Variants in SCFD2 observed in about 807,000 individuals in gnomAD.
The protein encoded by SCFD2 is sec1 family domain containing 2, also known as sec1 family domain-containing protein 2.
A neutral mutation model predicts 58.9 loss-of-function variants in SCFD2; 54 were observed. The ratio of observed to expected loss-of-function variants is 0.92; its 90% CI spans 0.74 to 1.15. SCFD2 has a LOEUF of 1.15. Among genes scored for constraint, SCFD2 ranks in the 50% most tolerant of loss-of-function variants. The probability of loss-of-function intolerance (pLI) is 0.00; values close to 1 mark genes in which losing one functional copy is unlikely to be tolerated. For missense variants in SCFD2, 805 were observed against 836.6 expected, an observed-to-expected ratio of 0.96 and a Z score of 0.47; for synonymous variants, 321 against 335.9, an observed-to-expected ratio of 0.96 and a Z score of 0.49.
intron 7 of SCFD2, among the ~76,000 whole-genome samples, chr4:52,900,725 C>G (rs1719168079): frequency 6.6e-6 from 1 of 152,206 alleles, no homozygotes; most frequent in African/African-American, 2.4e-5. Flanking sequence ...TTTGTCTGTG[C>G]CCTGCCCCCA....
intron 2 of SCFD2, among the ~76,000 whole-genome samples, chr4:53,315,159 A>G (rs745903750): frequency 6.6e-6 from 1 of 151,856 alleles, no homozygotes; most frequent in Non-Finnish European, 1.5e-5. Flanking sequence ...AATGATTTCT[A>G]CTGGAAATGA....
intron 2 of SCFD2, among the ~76,000 whole-genome samples, chr4:53,351,622 T>C (rs1008100894): frequency 6.6e-6 from 1 of 152,228 alleles, no homozygotes; most frequent in African/African-American, 2.4e-5. Flanking sequence ...TAAATGTGTT[T>C]CCAATCACAT....
chr4:53,209,639 A>C (rs1444469866), intron 4 of SCFD2, among the ~76,000 whole-genome samples: 1 of 152,096 alleles, frequency 6.6e-6, no homozygotes, highest in Non-Finnish European at 1.5e-5. Context: ...ATTGCTAGAC[A>C]CTGTGTTAAG....
chr4:53,222,249 GA>G (rs779262243), intron 4 of SCFD2, among the ~76,000 whole-genome samples: 1 of 152,186 alleles, frequency 6.6e-6, no homozygotes, highest in Non-Finnish European at 1.5e-5. Context: ...GACTTAAGAA[GA>G]GAATAAAAAT....
At chr4:53,161,937 G>GT (rs1388391376) in intron 4 of SCFD2, among the ~76,000 whole-genome samples, 1 of 152,112 alleles carries the variant, frequency 6.6e-6, no homozygotes, top group Non-Finnish European at 1.5e-5. Context: ...GGTTAGGCCT[G>GT]TTTGTCTATC....
chr4:52,904,747 C>T (rs147942371), intron 7 of SCFD2, among the ~76,000 whole-genome samples: 10 of 152,302 alleles, frequency 6.6e-5, no homozygotes, highest in African/African-American at 1.9e-4. Context: ...CAAGAAAATG[C>T]CTGGCAGCCT....
chr4:53,293,520 A>T (rs1293865765), intron 3 of SCFD2, among the ~76,000 whole-genome samples: 1 of 152,218 alleles, frequency 6.6e-6, no homozygotes, highest in African/African-American at 2.4e-5. Context: ...TAACAGAAAG[A>T]TAAAAACCTC....
chr4:53,082,894 C>T (rs1182930563), intron 5 of SCFD2, among the ~76,000 whole-genome samples: 1 of 152,066 alleles, frequency 6.6e-6, no homozygotes, highest in Non-Finnish European at 1.5e-5. Context: ...TTTCATGGGC[C>T]TCCAGTTTAA....
intron 4 of SCFD2, among the ~76,000 whole-genome samples, chr4:53,222,355 GAAGCTTGAAGCTTTGATAGA>G (rs1392478870): frequency 6.6e-6 from 1 of 152,210 alleles, no homozygotes; most frequent in Non-Finnish European, 1.5e-5. Context: ...CATTCTTCCT[GAAGCTTGAAGCTTTGATAGA>G]AGTAATTATT....
intron 5 of SCFD2, among the ~76,000 whole-genome samples, chr4:52,932,501 T>C (rs548326336): frequency 7.3e-4 from 111 of 152,346 alleles, no homozygotes; most frequent in African/African-American, 2.5e-3. Context: ...TCACTGACCG[T>C]ATTATAGGAT....
chr4:53,098,749 C>A (rs1189216127), intron 5 of SCFD2, among the ~76,000 whole-genome samples: 1 of 152,058 alleles, frequency 6.6e-6, no homozygotes, highest in Non-Finnish European at 1.5e-5. Flanking sequence ...TGTGCACACA[C>A]ATACACACAC....
intron 5 of SCFD2, among the ~76,000 whole-genome samples, chr4:52,985,094 C>T (rs1721458395): frequency 6.6e-6 from 1 of 152,142 alleles, no homozygotes; most frequent in Non-Finnish European, 1.5e-5. Flanking sequence ...TACAGCTAAG[C>T]TTCAGACAAT....
chr4:53,229,804 C>A (rs750143315), intron 4 of SCFD2, among the ~76,000 whole-genome samples: 1 of 152,118 alleles, frequency 6.6e-6, no homozygotes, highest in Non-Finnish European at 1.5e-5. Context: ...TTCTGCGCAG[C>A]AAAAGAAACT....
intron 5 of SCFD2, among the ~76,000 whole-genome samples, chr4:52,938,424 T>C (rs1720199221): frequency 6.6e-6 from 1 of 152,292 alleles, no homozygotes; most frequent in Admixed American, 6.5e-5. Flanking sequence ...ATAAAAAGTA[T>C]AGTACAAACA....
intron 4 of SCFD2, among the ~76,000 whole-genome samples, chr4:53,264,434 T>C (rs1194130773): frequency 6.6e-6 from 1 of 152,234 alleles, no homozygotes; most frequent in African/African-American, 2.4e-5. Context: ...TCCGCCATCT[T>C]AATCCAAATC....
intron 5 of SCFD2, among the ~76,000 whole-genome samples, chr4:52,982,736 A>T (rs1305775213): frequency 6.6e-6 from 1 of 152,182 alleles, no homozygotes; most frequent in Non-Finnish European, 1.5e-5. Context: ...ATTTTCTACC[A>T]GCTATGTGCT....
intron 4 of SCFD2, among the ~76,000 whole-genome samples, chr4:53,207,311 TAA>T (rs755241030): frequency 2.4e-4 from 26 of 109,686 alleles, no homozygotes; most frequent in Admixed American, 3.0e-4. Flanking sequence ...ACATTTTTGC[TAA>T]AAAAAAAAAA....
At chr4:52,912,211 T>C (rs527862082) in intron 6 of SCFD2, among the ~76,000 whole-genome samples, 1 of 152,144 alleles carries the variant, frequency 6.6e-6, no homozygotes, top group South Asian at 2.1e-4. Flanking sequence ...ATAATGAACA[T>C]TATAAAAATT....
At chr4:53,069,352 T>C (rs1723751177) in intron 5 of SCFD2, among the ~76,000 whole-genome samples, 1 of 152,034 alleles carries the variant, frequency 6.6e-6, no homozygotes, top group Non-Finnish European at 1.5e-5. Flanking sequence ...CAATTCTAAT[T>C]CACATTAATT....
Sources: gnomAD v4.1 joint callset for allele counts (sites outside exome capture counted in the v4.1 genomes callset) on GRCh38, gnomAD v4.1.1 for gene constraint, MANE v1.5 for transcripts, NCBI Gene and HGNC (gene_info 2026-07-23, HGNC 2026-07-21) for gene names.